The following DLG2 variants were observed in gnomAD, a reference collection of about 807,000 sequenced individuals.
DLG2 encodes discs large MAGUK scaffold protein 2.
Under a neutral mutation model 132.5 loss-of-function variants are expected in DLG2, and 45 were observed. The observed-to-expected ratio is 0.34, with a 90% CI of 0.27 to 0.44. The LOEUF (loss-of-function observed/expected upper bound fraction) is 0.44, where lower values mean the gene tolerates loss of function less well. Ranked by LOEUF, DLG2 falls within the 20% of genes least tolerant of loss-of-function variation. DLG2 has a pLI of 1.00. For missense variants in DLG2, 1,045 were observed against 1,196.9 expected, an observed-to-expected ratio of 0.87 and a Z score of 1.87; for synonymous variants, 424 against 419.6, an observed-to-expected ratio of 1.01 and a Z score of -0.13.
chr11:84,294,979 G>C (rs2098068930), intron 7 of DLG2, among the ~76,000 whole-genome samples: 1 of 152,098 alleles, frequency 6.6e-6, no homozygotes, highest in South Asian at 2.1e-4. Flanking sequence ...AAACTATATT[G>C]TTTTTACTTC....
chr11:84,667,498 G>GTTTTTTTTTTTTTTTTTTTGT (rs57863742), intron 6 of DLG2, among the ~76,000 whole-genome samples: 23 of 122,222 alleles, frequency 1.9e-4, no homozygotes, highest in Non-Finnish European at 2.9e-4. Context: ...TTTGTTTTTT[G>GTTTTTTTTTTTTTTTTTTTGT]TTTTTTTTTT....
intron 6 of DLG2, among the ~76,000 whole-genome samples, chr11:84,769,201 C>A (rs78667792): frequency 1.3e-5 from 2 of 151,460 alleles, no homozygotes; most frequent in African/African-American, 4.9e-5. Context: ...AGGAAGCTAA[C>A]TGAGGTACAA....
rs552447714 is a variant in DLG2, at chr11:84,002,060, T to C, written c.920-21418A>G. 2.0e-5 allele frequency among the ~76,000 whole-genome samples: 3 copies of C among 151,576 alleles called. No individual in the cohort carries two copies. The East Asian group carries it at 5.8e-4, about 29-fold the overall frequency. On this transcript the variant is annotated intron_variant, in intron 11 of 27. Transcript: ENST00000376104. Reference sequence around the variant, plus strand: ...CAAATTAACCGAAATAGAGAAATAATAAAGATAAGAGTAGAACTAAACAAA... The same window carrying C: ...CAAATTAACCGAAATAGAGAAATAACAAAGATAAGAGTAGAACTAAACAAA...
intron 3 of DLG2, among the ~76,000 whole-genome samples, chr11:85,308,688 T>C (rs908278905): frequency 2.0e-5 from 3 of 152,172 alleles, no homozygotes; most frequent in African/African-American, 4.8e-5. Flanking sequence ...ATAAATTATC[T>C]TCAATTAAAC....
At chr11:84,668,225 T>C (rs905818978) in intron 6 of DLG2, among the ~76,000 whole-genome samples, 7 of 152,146 alleles carry the variant, frequency 4.6e-5, no homozygotes, top group Admixed American at 2.0e-4. Flanking sequence ...TCTGAGTCTA[T>C]ACTTCTATAA....
chr11:84,190,201 G>C (rs1399087416), intron 8 of DLG2, among the ~76,000 whole-genome samples: 1 of 151,660 alleles, frequency 6.6e-6, no homozygotes, highest in Admixed American at 6.6e-5. Context: ...ATTGGAGAGA[G>C]AGTAAGTATA....
chr11:83,613,699 C>G (rs115387162), intron 19 of DLG2, among the ~76,000 whole-genome samples: 2,628 of 152,160 alleles, frequency 0.017, 97 homozygotes, highest in African/African-American at 0.06. Context: ...TGCAAGAAAT[C>G]TGAGACTTTA....
At chr11:83,862,713 C>G (rs1347451758) in intron 16 of DLG2, among the ~76,000 whole-genome samples, 1 of 151,948 alleles carries the variant, frequency 6.6e-6, no homozygotes, top group Non-Finnish European at 1.5e-5. Context: ...TGTCTACAAA[C>G]TTTAAAACTC....
chr11:83,709,975 C>G (rs1268839045), intron 18 of DLG2, among the ~76,000 whole-genome samples: 2 of 152,104 alleles, frequency 1.3e-5, no homozygotes, highest in Non-Finnish European at 2.9e-5. Context: ...GTGTGTCTCA[C>G]TGTTGTGGGT....
At chr11:85,338,787 C>T (rs2082295804) in intron 3 of DLG2, among the ~76,000 whole-genome samples, 1 of 147,698 alleles carries the variant, frequency 6.8e-6, no homozygotes, top group Admixed American at 6.9e-5. Flanking sequence ...TCACTGCAGG[C>T]TCCGCCTCCC....
chr11:84,184,396 A>G (rs113018228), intron 8 of DLG2, among the ~76,000 whole-genome samples: 8 of 151,754 alleles, frequency 5.3e-5, no homozygotes, highest in Non-Finnish European at 8.8e-5. Flanking sequence ...GTCTGTTCAT[A>G]TCCTTCGCCC....
At chr11:83,689,294 CAA>C (rs1183528937) in intron 18 of DLG2, among the ~76,000 whole-genome samples, 3 of 151,952 alleles carry the variant, frequency 2.0e-5, no homozygotes, top group Non-Finnish European at 4.4e-5. Flanking sequence ...GAAGCATATG[CAA>C]AGAGATGGTG....
intron 3 of DLG2, among the ~76,000 whole-genome samples, chr11:85,511,881 G>A (rs1289908216): frequency 1.3e-5 from 2 of 151,978 alleles, no homozygotes; most frequent in Non-Finnish European, 2.9e-5. Flanking sequence ...CTATAGGCAC[G>A]TGCCACCAAG....
chr11:83,632,525 G>A (rs1232707059), intron 19 of DLG2: 1 of 152,228 alleles, frequency 6.6e-6, no homozygotes, highest in East Asian at 1.9e-4. Flanking sequence ...CAGGAAGCTT[G>A]TCTTGGAAGA....
chr11:84,406,765 C>T (rs1479486449), intron 7 of DLG2, among the ~76,000 whole-genome samples: 3 of 152,264 alleles, frequency 2.0e-5, no homozygotes, highest in East Asian at 1.9e-4. Flanking sequence ...ACATTTATTC[C>T]GTTGTATTGT....
In DLG2 at chr11:85,111,626, C is replaced by T; in HGVS notation, c.357+35G>A. 4 of 1,491,534 alleles carry T rather than the reference C, an allele frequency of 2.7e-6. No homozygotes were observed. In the South Asian group the frequency reaches 5.1e-5, roughly 19 times the overall value. The allele number at this position is 1,491,534 out of a possible 1,614,324, so 92.4% of individuals were successfully genotyped here. ...ATTCCAAAATATAAAAACATTTATC[C>T]TTCAATCTGCTAATCTTGGAATAAT... On this transcript the variant is annotated intron_variant, in intron 6 of 27. Transcript: ENST00000376104.
chr11:84,978,113 GA>G (rs1566560120), intron 6 of DLG2, among the ~76,000 whole-genome samples: 2 of 152,112 alleles, frequency 1.3e-5, no homozygotes, highest in African/African-American at 4.8e-5. Context: ...AAGGTACACT[GA>G]AAATGTACTT....
intron 6 of DLG2, among the ~76,000 whole-genome samples, chr11:84,572,311 G>A (rs1289525484): frequency 6.6e-6 from 1 of 151,946 alleles, no homozygotes; most frequent in African/African-American, 2.4e-5. Flanking sequence ...CTTGAAAATG[G>A]CCTGGCTAAT....
intron 5 of DLG2, chr11:85,133,055 G>A: frequency 2.9e-6 from 1 of 343,588 alleles, no homozygotes. Flanking sequence ...GGGCTCCGTG[G>A]CTGCATGGTC....
Sources: allele counts gnomAD v4.1 joint callset (sites outside exome capture counted in the v4.1 genomes callset), GRCh38; gene constraint gnomAD v4.1.1; transcripts MANE v1.5; gene names NCBI Gene and HGNC (gene_info 2026-07-23, HGNC 2026-07-21).